The following CADPS2 variants were observed in gnomAD, a reference collection of about 807,000 sequenced individuals.
The protein encoded by CADPS2 is calcium-dependent secretion activator 2.
A neutral mutation model predicts 172.5 loss-of-function variants in CADPS2; 93 were observed. The observed-to-expected ratio is 0.54, with a 90% CI of 0.46 to 0.64. CADPS2 has a LOEUF of 0.64. Ranked by LOEUF, CADPS2 falls within the 30% of genes least tolerant of loss-of-function variation. CADPS2 has a pLI of 0.00. For synonymous variants in CADPS2, 546 were observed against 555.2 expected, an observed-to-expected ratio of 0.98 and a Z score of 0.23; for missense variants, 1,420 against 1,565.9, an observed-to-expected ratio of 0.91 and a Z score of 1.57.
chr7:122,623,838 T>C (rs1420097585), intron 4 of CADPS2, among the ~76,000 whole-genome samples: 1 of 152,186 alleles, frequency 6.6e-6, no homozygotes, highest in African/African-American at 2.4e-5. Context: ...ATGTCACGTA[T>C]CTGAAAGTTC....
intron 2 of CADPS2, among the ~76,000 whole-genome samples, chr7:122,715,710 GA>G (rs71161330): frequency 0.12 from 17,038 of 140,814 alleles, 1,006 homozygotes; most frequent in South Asian, 0.2. Flanking sequence ...GCATTGCAAA[GA>G]AAAAAAAAAA....
In CADPS2 at chr7:122,438,459, TA is replaced by T. The variant is rs2050934970; in HGVS notation, c.2357del (p.Leu786Ter). 2 of 1,612,534 alleles carry T rather than the reference TA, an allele frequency of 1.2e-6. No individual in the cohort carries two copies. Among genetic ancestry groups the T allele is most frequent in the African/African-American group, 2.7e-5 (2 of 74,868 alleles). On this transcript the variant is annotated frameshift_variant, in exon 17 of 30. Transcript: ENST00000449022. LOFTEE classifies it high-confidence loss of function. ...GTATGGGAGTGGCAATATCTTTCATTAAAACCTACAGAGAGAGGAAGTGGAA... is the reference window on the plus strand; with the variant it reads ...GTATGGGAGTGGCAATATCTTTCATTAAACCTACAGAGAGAGGAAGTGGAA... ...KATLSLLERV[L>X]MKDIATPIPA...
At chr7:122,885,122 T>G (rs758886437) in intron 1 of CADPS2, among the ~76,000 whole-genome samples, 42 of 152,334 alleles carry the variant, frequency 2.8e-4, no homozygotes, top group Non-Finnish European at 5.0e-4. Context: ...CTAGAGTTTG[T>G]ATTGTAAACA....
intron 2 of CADPS2, among the ~76,000 whole-genome samples, chr7:122,735,565 G>A (rs1588878589): frequency 6.6e-6 from 1 of 151,690 alleles, no homozygotes; most frequent in South Asian, 2.1e-4. Flanking sequence ...ATCATACTAC[G>A]CTTACTTTTA....
chr7:122,627,845 C>T (rs1007768360), intron 4 of CADPS2, among the ~76,000 whole-genome samples: 1 of 152,144 alleles, frequency 6.6e-6, no homozygotes, highest in Non-Finnish European at 1.5e-5. Flanking sequence ...AGGCTCAATA[C>T]AGGATAGGAC....
chr7:122,411,552 T>C (rs1433230139), intron 19 of CADPS2, among the ~76,000 whole-genome samples: 2 of 152,108 alleles, frequency 1.3e-5, no homozygotes, highest in Non-Finnish European at 2.9e-5. Flanking sequence ...ATAATAAAAA[T>C]TTATAACTTA....
intron 12 of CADPS2, among the ~76,000 whole-genome samples, chr7:122,477,759 ATCTGTCATC>A (rs1247267201): frequency 6.6e-6 from 1 of 152,186 alleles, no homozygotes; most frequent in Non-Finnish European, 1.5e-5. Context: ...AAATTAGCAA[ATCTGTCATC>A]TCACGTAGCT....
chr7:122,805,751 C>CAG (rs1798666629), intron 1 of CADPS2, among the ~76,000 whole-genome samples: 1 of 152,064 alleles, frequency 6.6e-6, no homozygotes, highest in Non-Finnish European at 1.5e-5. Context: ...ACAAAGGCAC[C>CAG]AGTTAGATAC....
intron 1 of CADPS2, among the ~76,000 whole-genome samples, chr7:122,853,493 T>C (rs1814283727): frequency 6.6e-6 from 1 of 152,224 alleles, no homozygotes; most frequent in African/African-American, 2.4e-5. Flanking sequence ...AATGGCTACC[T>C]GCAGTTGGTA....
At chr7:122,445,062 T>A (rs1409474246) in intron 15 of CADPS2, among the ~76,000 whole-genome samples, 4 of 152,194 alleles carry the variant, frequency 2.6e-5, no homozygotes, top group South Asian at 2.1e-4. Context: ...ACAGACCATA[T>A]ATGTGTGTGA....
intron 1 of CADPS2, among the ~76,000 whole-genome samples, chr7:122,810,259 T>C (rs770367796): frequency 6.6e-6 from 1 of 152,114 alleles, no homozygotes; most frequent in Non-Finnish European, 1.5e-5. Flanking sequence ...GGAAGGTAAG[T>C]AAGGAGGTAA....
At chr7:122,639,194 T>G (rs984451280) in intron 3 of CADPS2, among the ~76,000 whole-genome samples, 2 of 152,352 alleles carry the variant, frequency 1.3e-5, no homozygotes, top group East Asian at 3.9e-4. Flanking sequence ...GGGGATAAAT[T>G]AGTTGGTTAA....
chr7:122,734,030 T>C (rs1359161808), intron 2 of CADPS2, among the ~76,000 whole-genome samples: 1 of 151,912 alleles, frequency 6.6e-6, no homozygotes, highest in African/African-American at 2.4e-5. Context: ...AAAATTCAGA[T>C]GTTGAAGCCC....
At chr7:122,744,556 A>G (rs1465390924) in intron 1 of CADPS2, among the ~76,000 whole-genome samples, 1 of 152,192 alleles carries the variant, frequency 6.6e-6, no homozygotes, top group African/African-American at 2.4e-5. Context: ...TGAACACCTA[A>G]GCTGGCTGGA....
chr7:122,345,466 A>G, intron 28 of CADPS2, 108 bp downstream of exon 28: 1 of 667,906 alleles, frequency 1.5e-6, no homozygotes, highest in South Asian at 1.9e-5. Flanking sequence ...TAGAAGATAC[A>G]GGATCACAAA....
chr7:122,549,516 G>A (rs957446481), intron 8 of CADPS2, among the ~76,000 whole-genome samples: 8 of 152,030 alleles, frequency 5.3e-5, no homozygotes, highest in East Asian at 1.9e-4. Flanking sequence ...AGCTACTTGG[G>A]AGACTGAAGT....
chr7:122,679,484 T>C lies in CADPS2; in HGVS notation c.454-15915A>G, dbSNP rs548220758. On this transcript the variant is annotated intron_variant, in intron 2 of 29. Transcript: ENST00000449022. ...TGCACAGCAGGACGTGGACGTTCAT[T>C]AGTGATTCTAGTTTCACCCTGACCT... Among the ~76,000 whole-genome samples the C allele has an allele frequency of 7.9e-5, 12 of 152,270 alleles. No homozygotes were observed. In the East Asian group the frequency reaches 2.3e-3, roughly 29 times the overall value.
At position 122,678,701 on chromosome 7, in the gene CADPS2, G is replaced by A. The variant is rs150783468; in HGVS notation, c.454-15132C>T. Among the ~76,000 whole-genome samples the A allele has an allele frequency of 1.2e-4, 18 of 152,254 alleles. No homozygotes were observed. The East Asian group carries it at 3.5e-3, about 29-fold the overall frequency. On this transcript the variant is annotated intron_variant, in intron 2 of 29. Transcript: ENST00000449022. Reference sequence around the variant, plus strand: ...AGATACCTCAAAAGGCCGATCTTAGGTTCTACATAGTGATGTTATCTATAG... The same window carrying A: ...AGATACCTCAAAAGGCCGATCTTAGATTCTACATAGTGATGTTATCTATAG...
chr7:122,660,636 C>T (rs529006169), intron 3 of CADPS2, among the ~76,000 whole-genome samples: 2 of 151,294 alleles, frequency 1.3e-5, no homozygotes, highest in African/African-American at 2.4e-5. Flanking sequence ...TTGGGCCAAG[C>T]GCTGTGGCTC....
Sources: gnomAD v4.1 joint callset for allele counts (sites outside exome capture counted in the v4.1 genomes callset) on GRCh38, gnomAD v4.1.1 for gene constraint, MANE v1.5 for transcripts, NCBI Gene and HGNC (gene_info 2026-07-23, HGNC 2026-07-21) for gene names.